PIEZO2: variants seen among roughly 807,000 people sequenced by gnomAD.
PIEZO2 encodes piezo-type mechanosensitive ion channel component 2.
PIEZO2 carries 172 observed loss-of-function variants against 337.3 expected under a neutral mutation model. The ratio of observed to expected loss-of-function variants is 0.51; its 90% CI spans 0.45 to 0.58. PIEZO2 has a LOEUF of 0.58. Among genes scored for constraint, PIEZO2 ranks in the 20% least tolerant of loss-of-function variants. PIEZO2 has a pLI of 0.00. For synonymous variants in PIEZO2, 1,251 were observed against 1,228.5 expected (o/e 1.02, Z -0.38); for missense variants, 3,028 against 3,391.3 (o/e 0.89, Z 2.66).
At chr18:10,743,144 A>C (rs535832352) in intron 31 of PIEZO2, among the ~76,000 whole-genome samples, 4 of 152,230 alleles carry the variant, frequency 2.6e-5, no homozygotes, top group Non-Finnish European at 5.9e-5. Context: ...CAATAAAAAC[A>C]GTTGTACCAT....
Position 11,080,842 on chromosome 18 carries a change from A to G in PIEZO2, c.65-14620T>C, listed in dbSNP as rs951113722. ...CTGGCGACAGAGCAAGGCTCTGTCA[A>G]TAAATAAATAAACAAACACATAAAT... On this transcript the variant is annotated intron_variant, in intron 1 of 55. Coordinates refer to ENST00000674853, the MANE Select transcript of PIEZO2 (RefSeq NM_001378183.1). This position sits in a 1 kb window ranked among gnomAD's most constrained non-coding sequence, Gnocchi z 5.4. 2.0e-5 allele frequency among the ~76,000 whole-genome samples: 3 copies of G among 152,160 alleles called. No individual in the cohort carries two copies. Among genetic ancestry groups the G allele is most frequent in the African/African-American group, 4.8e-5 (2 of 41,436 alleles).
rs2143837271 is a variant in PIEZO2, at chr18:10,759,085, C to T, written c.3757+397G>A. Among the ~76,000 whole-genome samples the T allele has an allele frequency of 6.6e-6, 1 of 152,252 alleles. No individual in the cohort carries two copies. The highest frequency in any genetic ancestry group is 1.5e-5 in the Non-Finnish European group (1 of 68,014). ...CAACTAAAATCTGGGAAGCATCTCC[C>T]AGCATCCACTGTCCCATGTTCAGGG... is the stretch of plus-strand genomic sequence containing the variant. On this transcript the variant is annotated intron_variant, in intron 26 of 55. Transcript: ENST00000674853. This position sits in a 1 kb window ranked among gnomAD's most constrained non-coding sequence, Gnocchi z 5.5.
In PIEZO2 at chr18:10,715,687, C is replaced by T. The variant is rs776659360; in HGVS notation, c.5219G>A (p.Arg1740Lys). 6.5e-7 allele frequency: 1 copy of T among 1,536,146 alleles called. No homozygotes were observed. Among genetic ancestry groups the T allele is most frequent in the Admixed American group, 2.0e-5 (1 of 50,884 alleles). The change falls in exon 38 of 56, where the codon AGA becomes AAA. Residue 1740 changes from arginine (R) to lysine (K), a missense_variant. By Grantham distance (26) the Arg-to-Lys change is conservative. Coordinates refer to ENST00000674853, the MANE Select transcript of PIEZO2 (RefSeq NM_001378183.1). ...REHIDISTVL[R>K]IERCMLTREI... ...TCTGGTCAGCATGCATCGTTCAATT[C>T]TCAGAACTGTAGATATATCAATATG...
chr18:10,689,951 G>A, intron 48 of PIEZO2, 149 bp from the exon 49 acceptor site: 1 of 772,712 alleles, frequency 1.3e-6, no homozygotes, highest in African/African-American at 1.8e-5. Context: ...ACCCAACTTG[G>A]AACACAACTG....
intron 1 of PIEZO2, among the ~76,000 whole-genome samples, chr18:11,136,249 A>G (rs1175407956): frequency 1.3e-5 from 2 of 152,242 alleles, no homozygotes. Flanking sequence ...TGCAATGGCA[A>G]CCACGATGAT....
Position 10,979,197 on chromosome 18 carries a change from C to CT in PIEZO2, c.286+337dup, listed in dbSNP as rs201916792. On this transcript the variant is annotated intron_variant, in intron 3 of 55. Coordinates refer to ENST00000674853, the MANE Select transcript of PIEZO2 (RefSeq NM_001378183.1). This position sits in a 1 kb window ranked among gnomAD's most constrained non-coding sequence, Gnocchi z 4.0. ...CTATTCATCATGTTAGAAATTGTAC[C>CT]TTTTTTTTTTTTTACTCGCTGTAAT... Among the ~76,000 whole-genome samples the CT allele has an allele frequency of 4.9e-4, 70 of 142,930 alleles. No homozygotes were observed. The highest frequency in any genetic ancestry group is 3.6e-3 in the Middle Eastern group (1 of 278). The allele number at this position is 142,930 out of a possible 152,430, so 93.8% of individuals were successfully genotyped here.
rs1294612848 is a variant in PIEZO2, at chr18:10,775,458, G to A, written c.2535-1420C>T. On this transcript the variant is annotated intron_variant, in intron 18 of 55. Transcript: ENST00000674853. This position sits in a 1 kb window ranked among gnomAD's most constrained non-coding sequence, Gnocchi z 4.3. ...ATACCTTTATTAAGACAAGGAATTC[G>A]GTGGTTGCAGTGTGAGGTGGGACCA... 6.6e-6 allele frequency among the ~76,000 whole-genome samples: 1 copy of A among 152,128 alleles called. No homozygotes were observed. Among genetic ancestry groups the A allele is most frequent in the Non-Finnish European group, 1.5e-5 (1 of 68,036 alleles).
At chr18:10,884,931 T>C (rs1285377119) in intron 4 of PIEZO2, among the ~76,000 whole-genome samples, 1 of 151,852 alleles carries the variant, frequency 6.6e-6, no homozygotes, top group Non-Finnish European at 1.5e-5. Context: ...CTGGACCCAT[T>C]CCTTCTCATT....
chr18:10,720,682 T>G (rs971985108), intron 36 of PIEZO2, among the ~76,000 whole-genome samples: 3 of 151,676 alleles, frequency 2.0e-5, no homozygotes, highest in Non-Finnish European at 4.4e-5. Context: ...TGGGCTCAGG[T>G]GATCCTTCTA....
At chr18:11,122,958 A>G (rs1049359802) in intron 1 of PIEZO2, among the ~76,000 whole-genome samples, 5 of 150,378 alleles carry the variant, frequency 3.3e-5, no homozygotes, top group Non-Finnish European at 5.9e-5. Flanking sequence ...GATAGCATTG[A>G]TATATATGTT....
intron 18 of PIEZO2, among the ~76,000 whole-genome samples, chr18:10,777,987 T>A (rs1568045842): frequency 6.6e-6 from 1 of 152,200 alleles, no homozygotes; most frequent in Non-Finnish European, 1.5e-5. Context: ...TTATCTATAT[T>A]TTTAAAATGT....
chr18:10,809,435 A>G (rs543605025), intron 7 of PIEZO2, among the ~76,000 whole-genome samples: 1 of 151,820 alleles, frequency 6.6e-6, no homozygotes, highest in South Asian at 2.1e-4. Flanking sequence ...CATGCCAGCT[A>G]ATTTTTGTAT....
intron 53 of PIEZO2, among the ~76,000 whole-genome samples, chr18:10,675,494 T>C (rs1275263391): frequency 6.6e-6 from 1 of 152,210 alleles, no homozygotes; most frequent in Admixed American, 6.5e-5. Flanking sequence ...GCTTTATCTG[T>C]ATCTGCATGT....
Position 10,834,963 on chromosome 18 carries a change from G to T in PIEZO2, c.917+20390C>A, listed in dbSNP as rs779691357. On this transcript the variant is annotated intron_variant, in intron 7 of 55. Transcript: ENST00000674853. This position sits in a 1 kb window ranked among gnomAD's most constrained non-coding sequence, Gnocchi z 4.5. ...CCCATGTGAAGGTATTAAGAAGTCG[G>T]GCCTTTGAGGGGCGATTAGGTCACA... Among the ~76,000 whole-genome samples the T allele has an allele frequency of 4.6e-5, 7 of 152,126 alleles. No homozygotes were observed. The highest frequency in any genetic ancestry group is 8.8e-5 in the Non-Finnish European group (6 of 68,026).
intron 20 of PIEZO2, among the ~76,000 whole-genome samples, chr18:10,772,696 C>T (rs2178101): frequency 6.6e-6 from 1 of 152,190 alleles, no homozygotes; most frequent in Non-Finnish European, 1.5e-5. Flanking sequence ...ATGATGCTCT[C>T]TGGTTTGTCC....
rs1410966935 is a variant in PIEZO2 at position 10,727,698 on chromosome 18, C to T, written c.5029+3709G>A. The T allele has an allele frequency of 6.5e-5, 10 of 152,872 alleles. No individual in the cohort carries two copies. The East Asian group carries it at 1.7e-3, about 27-fold the overall frequency. 9.5% of individuals were successfully genotyped at this position (152,872 alleles called of 1,614,324 possible). A position where few individuals can be genotyped will look rare whatever the true frequency, so the allele number is the denominator to read the frequency against. On this transcript the variant is annotated intron_variant, in intron 36 of 55. Coordinates refer to ENST00000674853, the MANE Select transcript of PIEZO2 (RefSeq NM_001378183.1). The surrounding 1 kb of genome is among the most constrained non-coding windows in gnomAD (Gnocchi z 6.3). Reference sequence around the variant, plus strand: ...ATCAAGCCCAAGAGCTCCCTTGGCCCTGTCCCCACTCCCTCCACTGGCCTC... The same window carrying T: ...ATCAAGCCCAAGAGCTCCCTTGGCCTTGTCCCCACTCCCTCCACTGGCCTC...
chr18:11,108,450 C>T (rs1357548822), intron 1 of PIEZO2, among the ~76,000 whole-genome samples: 1 of 105,660 alleles, frequency 9.5e-6, no homozygotes, highest in African/African-American at 3.8e-5. Flanking sequence ...CTCGTCTCTA[C>T]TAAAAATACA....
At chr18:10,981,362 A>G (rs75273468) in intron 2 of PIEZO2, among the ~76,000 whole-genome samples, 5,069 of 152,268 alleles carry the variant, frequency 0.033, 145 homozygotes, top group African/African-American at 0.072. Context: ...AATATATGAA[A>G]AAGATAATAT....
chr18:11,075,440 C>A (rs1442364716), intron 1 of PIEZO2, among the ~76,000 whole-genome samples: 2 of 152,312 alleles, frequency 1.3e-5, no homozygotes, highest in Admixed American at 6.5e-5. Context: ...GTGTAGAATT[C>A]TTTCCCCCAT....
Sources: gnomAD v4.1 joint callset for allele counts (sites outside exome capture counted in the v4.1 genomes callset) on GRCh38, gnomAD v4.1.1 for gene constraint, Gnocchi (gnomAD v3.1) non-coding constraint, MANE v1.5 for transcripts, NCBI Gene and HGNC (gene_info 2026-07-23, HGNC 2026-07-21) for gene names.